Variants in GRAP2 observed in about 807,000 individuals in gnomAD.
GRAP2 encodes the protein GRB2 related adaptor protein 2.
A neutral mutation model predicts 43.5 loss-of-function variants in GRAP2; 31 were observed. The ratio of observed to expected loss-of-function variants is 0.71; its 90% CI spans 0.54 to 0.96. The LOEUF is 0.96. Ranked by LOEUF, GRAP2 falls within the 40% of genes least tolerant of loss-of-function variation. GRAP2 has a pLI of 0.00. For missense variants in GRAP2, 371 were observed against 424.4 expected (o/e 0.87, Z 1.11); for synonymous variants, 156 against 164.8 (o/e 0.95, Z 0.41).
At chr22:39,921,236 A>G (rs2066649241) in intron 1 of GRAP2, among the ~76,000 whole-genome samples, 1 of 152,180 alleles carries the variant, frequency 6.6e-6, no homozygotes, top group Non-Finnish European at 1.5e-5. Context: ...TTTCAGCTCT[A>G]TGGTTTCTCA....
intron 1 of GRAP2, among the ~76,000 whole-genome samples, chr22:39,940,613 A>G (rs1222853519): frequency 6.6e-6 from 1 of 152,080 alleles, no homozygotes. Flanking sequence ...ACACAGATGT[A>G]AGATGCAGAG....
At chr22:39,917,337 A>C (rs1601694597) in intron 1 of GRAP2, among the ~76,000 whole-genome samples, 2 of 151,830 alleles carry the variant, frequency 1.3e-5, no homozygotes, top group African/African-American at 2.4e-5. Flanking sequence ...CCTGGCACAA[A>C]CCCCTAACCT....
At chr22:39,936,852 T>C (rs1179378067) in intron 1 of GRAP2, among the ~76,000 whole-genome samples, 1 of 152,214 alleles carries the variant, frequency 6.6e-6, no homozygotes, top group Non-Finnish European at 1.5e-5. Context: ...TTGCAGTCTT[T>C]ACCTCTTTGA....
intron 6 of GRAP2, chr22:39,968,621 A>G (rs2067203912): frequency 3.0e-6 from 1 of 331,622 alleles, no homozygotes; most frequent in Non-Finnish European, 5.5e-6. Context: ...TCAGATCCAC[A>G]AGAGAAAAAG....
Position 39,919,090 on chromosome 22 carries a change from G to T in GRAP2, c.-15+17760G>T, listed in dbSNP as rs543537633. ...GAGTTCAAGGCTACAGTGAGCCAGGGTTGTACCACGGCACTCCAGCCTGGG... is the reference window on the plus strand; with the variant it reads ...GAGTTCAAGGCTACAGTGAGCCAGGTTTGTACCACGGCACTCCAGCCTGGG... On this transcript the variant is annotated intron_variant, in intron 1 of 7. Coordinates refer to ENST00000344138, the MANE Select transcript of GRAP2 (RefSeq NM_004810.4). Among the ~76,000 whole-genome samples, 276 of 152,220 alleles carry T rather than the reference G, an allele frequency of 1.8e-3. 2 individuals are homozygous for T. Among genetic ancestry groups the T allele is most frequent in the Middle Eastern group, 0.014 (4 of 294 alleles).
intron 1 of GRAP2, among the ~76,000 whole-genome samples, chr22:39,936,357 A>T (rs1319204614): frequency 6.6e-6 from 1 of 152,188 alleles, no homozygotes; most frequent in African/African-American, 2.4e-5. Flanking sequence ...AAACAATAAG[A>T]ATAAAATGAG....
At chr22:39,948,966 G>A (rs946310202) in intron 2 of GRAP2, among the ~76,000 whole-genome samples, 2 of 152,048 alleles carry the variant, frequency 1.3e-5, no homozygotes, top group African/African-American at 4.8e-5. Context: ...CTCACTCTGA[G>A]CCACCTCATC....
the GRAP2 span, among the ~76,000 whole-genome samples, chr22:39,895,938 A>C: frequency 3.2e-3 from 483 of 152,274 alleles, 2 homozygotes; most frequent in African/African-American, 0.011. Flanking sequence ...TTGCCCAGAG[A>C]TATTTAACTA....
chr22:39,902,724 A>G (rs917071297), intron 1 of GRAP2, among the ~76,000 whole-genome samples: 1 of 152,242 alleles, frequency 6.6e-6, no homozygotes, highest in Non-Finnish European at 1.5e-5. Flanking sequence ...TGTTGCTAAT[A>G]CAATATCCTT....
chr22:39,919,981 C>T (rs1338298582), intron 1 of GRAP2, among the ~76,000 whole-genome samples: 1 of 152,144 alleles, frequency 6.6e-6, no homozygotes, highest in East Asian at 1.9e-4. Flanking sequence ...CTCCTAAAAC[C>T]CTAACTCTTA....
intron 2 of GRAP2, among the ~76,000 whole-genome samples, chr22:39,953,361 T>G (rs575214305): frequency 3.9e-5 from 6 of 152,302 alleles, no homozygotes; most frequent in African/African-American, 1.4e-4. Context: ...CACCACCTAC[T>G]CAGTCTCCCA....
chr22:39,937,413 G>A (rs937970049), intron 1 of GRAP2, among the ~76,000 whole-genome samples: 5 of 152,166 alleles, frequency 3.3e-5, no homozygotes, highest in Non-Finnish European at 7.3e-5. Context: ...CTTGATTAGT[G>A]TCATACTTTC....
chr22:39,958,437 C>A (rs1289810131), intron 3 of GRAP2, among the ~76,000 whole-genome samples: 2 of 152,152 alleles, frequency 1.3e-5, no homozygotes, highest in Admixed American at 6.5e-5. Context: ...TCCCCCTCGA[C>A]TAGAATGTAA....
intron 6 of GRAP2, chr22:39,968,580 A>T (rs1197651047): frequency 2.2e-6 from 1 of 448,210 alleles, no homozygotes; most frequent in African/African-American, 2.0e-5. Flanking sequence ...ACAATTCCAA[A>T]TCTATTCATG....
At chr22:39,954,520 G>A (rs554488316) in intron 2 of GRAP2, among the ~76,000 whole-genome samples, 4 of 152,028 alleles carry the variant, frequency 2.6e-5, no homozygotes, top group East Asian at 1.9e-4. Context: ...TCAGCCTCCC[G>A]AGTAGCTGGG....
At chr22:39,943,030 C>T (rs1350497344) in intron 1 of GRAP2, among the ~76,000 whole-genome samples, 2 of 152,168 alleles carry the variant, frequency 1.3e-5, no homozygotes, top group Admixed American at 6.5e-5. Flanking sequence ...TGAATCTTCA[C>T]ATAGCTTTGT....
intron 1 of GRAP2, among the ~76,000 whole-genome samples, chr22:39,935,887 G>A (rs759912155): frequency 2.0e-5 from 3 of 152,212 alleles, no homozygotes; most frequent in Non-Finnish European, 2.9e-5. Flanking sequence ...GGCGCTGAGC[G>A]TATTTGCAGC....
intron 1 of GRAP2, among the ~76,000 whole-genome samples, chr22:39,928,151 C>A (rs2066723491): frequency 6.6e-6 from 1 of 152,156 alleles, no homozygotes; most frequent in African/African-American, 2.4e-5. Context: ...CTTTGCTTTC[C>A]AAATCTTAAT....
intron 1 of GRAP2, among the ~76,000 whole-genome samples, chr22:39,937,069 A>G (rs897986512): frequency 2.0e-5 from 3 of 152,214 alleles, no homozygotes; most frequent in African/African-American, 7.2e-5. Context: ...GTGCCAACAG[A>G]CATGTACTGA....
Sources: allele counts gnomAD v4.1 joint callset (sites outside exome capture counted in the v4.1 genomes callset), GRCh38; gene constraint gnomAD v4.1.1; transcripts MANE v1.5; gene names NCBI Gene and HGNC (gene_info 2026-07-23, HGNC 2026-07-21).